C2CD5: variants seen among roughly 807,000 people sequenced by gnomAD.
C2CD5 encodes C2 domain-containing protein 5.
In C2CD5, 109 loss-of-function variants were observed where a neutral mutation model predicts 130.3. That is an observed-to-expected ratio of 0.84 (90% confidence interval 0.72 to 0.98). The LOEUF (loss-of-function observed/expected upper bound fraction) is 0.98. Ranked by LOEUF, C2CD5 falls within the 50% of genes least tolerant of loss-of-function variation. The pLI is 0.00. For missense variants in C2CD5, 996 were observed against 1,261.8 expected (o/e 0.79, Z 3.19); for synonymous variants, 454 against 429.2 (o/e 1.06, Z -0.71).
chr12:22,528,152 A>AT (rs930425377), intron 3 of C2CD5, among the ~76,000 whole-genome samples: 4 of 151,968 alleles, frequency 2.6e-5, no homozygotes, highest in South Asian at 2.1e-4. Context: ...TTAAATCTCA[A>AT]TTTTTTTTAC....
intron 2 of C2CD5, among the ~76,000 whole-genome samples, chr12:22,540,936 G>T (rs1290956792): frequency 6.6e-6 from 1 of 152,152 alleles, no homozygotes; most frequent in Non-Finnish European, 1.5e-5. Flanking sequence ...TTTTTTAATT[G>T]TAAGGATATA....
At chr12:22,469,644 T>G (rs1942695422) in intron 22 of C2CD5, 65 bp downstream of exon 22, 6 of 886,278 alleles carry the variant, frequency 6.8e-6, no homozygotes, top group Non-Finnish European at 8.6e-6. Context: ...TTTCCTATAA[T>G]GAAGAAGCAG....
At position 22,449,894 on chromosome 12, in the gene C2CD5, A is replaced by G. The variant is rs370097061; in HGVS notation, c.3025-3T>C. 8.1e-6 allele frequency: 13 copies of G among 1,603,054 alleles called. No individual in the cohort carries two copies. Among genetic ancestry groups the G allele is most frequent in the East Asian group, 2.2e-5 (1 of 44,768 alleles). ...CTTACATTTATAAGACACTGTGCCT[A>G]TAAGAACAACAAACAGGACAGGTTC... On this transcript the variant is annotated splice_polypyrimidine_tract_variant and splice_region_variant and intron_variant, in intron 26 of 26. Transcript: ENST00000446597.
chr12:22,452,671 C>T (rs1017507550), intron 26 of C2CD5, among the ~76,000 whole-genome samples: 4 of 152,162 alleles, frequency 2.6e-5, no homozygotes, highest in South Asian at 4.1e-4. Context: ...TTTAGTATAC[C>T]GTGAGTTACA....
intron 22 of C2CD5, among the ~76,000 whole-genome samples, chr12:22,464,725 C>T (rs1941762494): frequency 1.3e-5 from 2 of 152,044 alleles, no homozygotes; most frequent in African/African-American, 4.8e-5. Context: ...TTGTTGCTGC[C>T]ACTTGGTCAT....
At chr12:22,455,728 A>T (rs576851169) in intron 25 of C2CD5, among the ~76,000 whole-genome samples, 1 of 152,298 alleles carries the variant, frequency 6.6e-6, no homozygotes, top group Admixed American at 6.5e-5. Flanking sequence ...TCTGTCACCC[A>T]GGCTGGAGTG....
intron 2 of C2CD5, among the ~76,000 whole-genome samples, chr12:22,541,108 A>G (rs1409264255): frequency 6.6e-6 from 1 of 152,118 alleles, no homozygotes; most frequent in Non-Finnish European, 1.5e-5. Context: ...CACTTCCTTA[A>G]CATCTCCAAT....
chr12:22,464,041 T>C (rs1017438853), intron 22 of C2CD5: 12 of 152,156 alleles, frequency 7.9e-5, no homozygotes, highest in Non-Finnish European at 1.6e-4. Flanking sequence ...GGTAGACAAA[T>C]GATATATCTA....
At chr12:22,504,671 G>A (rs765840639) in intron 10 of C2CD5, among the ~76,000 whole-genome samples, 14 of 152,120 alleles carry the variant, frequency 9.2e-5, no homozygotes, top group Non-Finnish European at 1.6e-4. Context: ...ACCATGTTTC[G>A]AACTATCAGA....
intron 23 of C2CD5, 144 bp downstream of exon 23, chr12:22,459,348 T>G: frequency 2.0e-6 from 1 of 488,800 alleles, no homozygotes; most frequent in South Asian, 3.6e-5. Flanking sequence ...AAAGAACATA[T>G]TCTACCTACA....
intron 13 of C2CD5, chr12:22,484,430 T>C (rs917373777): frequency 1.2e-5 from 4 of 328,996 alleles, no homozygotes; most frequent in African/African-American, 6.4e-5. Flanking sequence ...GTCACATCCC[T>C]AGCCTTTGGC....
chr12:22,485,701 T>G (rs1371709162), intron 12 of C2CD5, among the ~76,000 whole-genome samples: 2 of 152,152 alleles, frequency 1.3e-5, no homozygotes, highest in Non-Finnish European at 2.9e-5. Context: ...AAAGCCAATG[T>G]GTTATAAGAG....
intron 12 of C2CD5, among the ~76,000 whole-genome samples, chr12:22,488,116 G>A (rs1248758272): frequency 6.6e-6 from 1 of 151,958 alleles, no homozygotes; most frequent in Non-Finnish European, 1.5e-5. Context: ...AATGGGTGCA[G>A]CACATCAACA....
At chr12:22,460,600 G>A (rs912830476) in intron 22 of C2CD5, 2 of 151,586 alleles carry the variant, frequency 1.3e-5, no homozygotes, top group Non-Finnish European at 2.9e-5. Context: ...TTTTTGAGAC[G>A]GAGTTTTCGT....
chr12:22,535,906 C>T (rs954472558), intron 2 of C2CD5, among the ~76,000 whole-genome samples: 3 of 152,132 alleles, frequency 2.0e-5, no homozygotes, highest in Admixed American at 6.5e-5. Context: ...CCCTTTTAAG[C>T]TAGCAATTCT....
Position 22,470,854 on chromosome 12 carries a change from T to C in C2CD5, c.2416A>G (p.Lys806Glu). The change falls in exon 21 of 27, where the codon AAA becomes GAA. Residue 806 changes from lysine (K) to glutamate (E), a missense_variant. By Grantham distance (56) the Lys-to-Glu change is moderately conservative. Coordinates refer to ENST00000446597, the MANE Select transcript of C2CD5 (RefSeq NM_001286176.2). ...TGCAATGACTTTTCAACAGGGGTTT[T>C]TGTGGTTTGTAAAGCCTGATTTTTG... is the stretch of plus-strand genomic sequence containing the variant. ...FDKNQALQTT[K>E]TPVEKSLQRA... 6.2e-7 allele frequency: 1 copy of C among 1,612,232 alleles called. No homozygotes were observed. The highest frequency in any genetic ancestry group is 8.5e-7 in the Non-Finnish European group (1 of 1,178,570).
intron 14 of C2CD5, among the ~76,000 whole-genome samples, chr12:22,480,606 T>C (rs975267875): frequency 2.6e-5 from 4 of 152,212 alleles, no homozygotes; most frequent in African/African-American, 9.6e-5. Flanking sequence ...ACGTTTGTTA[T>C]AGCTAGCAAA....
intron 15 of C2CD5, among the ~76,000 whole-genome samples, chr12:22,475,966 A>T (rs1943783277): frequency 6.6e-6 from 1 of 152,112 alleles, no homozygotes; most frequent in African/African-American, 2.4e-5. Context: ...ACTACTTTTT[A>T]TAATTTTACA....
chr12:22,466,614 A>C (rs1231203948), intron 22 of C2CD5, among the ~76,000 whole-genome samples: 4 of 152,192 alleles, frequency 2.6e-5, no homozygotes, highest in African/African-American at 9.6e-5. Flanking sequence ...AATTTTCCAA[A>C]ACATTTTGAG....
Sources: gnomAD v4.1 joint callset for allele counts (sites outside exome capture counted in the v4.1 genomes callset) on GRCh38, gnomAD v4.1.1 for gene constraint, MANE v1.5 for transcripts, NCBI Gene and HGNC (gene_info 2026-07-23, HGNC 2026-07-21) for gene names.